The following RBFOX1 variants were observed in gnomAD, a reference collection of about 807,000 sequenced individuals.
RBFOX1 encodes the protein RNA binding protein fox-1 homolog 1.
Under a neutral mutation model 57.7 loss-of-function variants are expected in RBFOX1, and 8 were observed. That is an observed-to-expected ratio of 0.14 (90% CI 0.08 to 0.25). The LOEUF is 0.25. RBFOX1 is among the 10% of genes least tolerant of loss of function. The pLI, the probability that RBFOX1 is intolerant of heterozygous loss-of-function variation, is 1.00. For missense variants in RBFOX1, 611 were observed against 548.5 expected, an observed-to-expected ratio of 1.11 and a Z score of -1.14; for synonymous variants, 326 against 222.4, an observed-to-expected ratio of 1.47 and a Z score of -4.15.
At chr16:6,812,532 C>A (rs2088964186) in intron 3 of RBFOX1, among the ~76,000 whole-genome samples, 1 of 151,984 alleles carries the variant, frequency 6.6e-6, no homozygotes, top group African/African-American at 2.4e-5. Context: ...TGACACCACG[C>A]CCAGCTAATT....
chr16:7,054,466 C>T (rs927361840), intron 4 of RBFOX1, among the ~76,000 whole-genome samples: 1 of 148,948 alleles, frequency 6.7e-6, no homozygotes, highest in Non-Finnish European at 1.5e-5. Context: ...TGGTCTCGAT[C>T]TCCTGACCTC....
chr16:6,177,921 G>GT (rs2097026320), intron 1 of RBFOX1, among the ~76,000 whole-genome samples: 1 of 51,338 alleles, frequency 1.9e-5, no homozygotes, highest in East Asian at 3.3e-4. Flanking sequence ...TTCAGTGGGG[G>GT]TAAAAAAAAA....
intron 3 of RBFOX1, among the ~76,000 whole-genome samples, chr16:5,822,056 G>A (rs894486150): frequency 2.0e-5 from 3 of 152,188 alleles, no homozygotes; most frequent in African/African-American, 7.2e-5. Context: ...AAAAGAAGTT[G>A]TTTATAAATT....
At chr16:7,545,811 T>C (rs2084307130) in intron 5 of RBFOX1, among the ~76,000 whole-genome samples, 1 of 152,174 alleles carries the variant, frequency 6.6e-6, no homozygotes, top group African/African-American at 2.4e-5. Flanking sequence ...ATTCTGACAC[T>C]GAATAACCAT....
At chr16:6,855,848 T>TCCCTCCCTGTTG (rs1450747236) in intron 3 of RBFOX1, among the ~76,000 whole-genome samples, 1 of 149,698 alleles carries the variant, frequency 6.7e-6, no homozygotes, top group African/African-American at 2.5e-5. Flanking sequence ...CCTCCCTCTT[T>TCCCTCCCTGTTG]CCCTCCCTTC....
At chr16:6,401,285 A>G (rs2093057263) in intron 2 of RBFOX1, among the ~76,000 whole-genome samples, 1 of 152,200 alleles carries the variant, frequency 6.6e-6, no homozygotes, top group South Asian at 2.1e-4. Flanking sequence ...AAATAATAGC[A>G]AGAGATTGGA....
chr16:6,942,414 C>G (rs868605688), intron 3 of RBFOX1, among the ~76,000 whole-genome samples: 20 of 152,288 alleles, frequency 1.3e-4, no homozygotes, highest in Middle Eastern at 3.4e-3. Flanking sequence ...CTCCGTCAGC[C>G]TCCCAAAATG....
chr16:7,350,363 T>C (rs1159673817), intron 4 of RBFOX1, among the ~76,000 whole-genome samples: 1 of 152,242 alleles, frequency 6.6e-6, no homozygotes, highest in East Asian at 1.9e-4. Context: ...TCAGTATGGC[T>C]GTGACACAGT....
At chr16:6,023,341 T>C (rs1360631084) in intron 1 of RBFOX1, among the ~76,000 whole-genome samples, 1 of 152,144 alleles carries the variant, frequency 6.6e-6, no homozygotes. Flanking sequence ...CTCATGTCTC[T>C]GATGATTTTA....
At chr16:6,984,618 A>T (rs1394118153) in intron 3 of RBFOX1, among the ~76,000 whole-genome samples, 2 of 152,062 alleles carry the variant, frequency 1.3e-5, no homozygotes, top group Admixed American at 1.3e-4. Context: ...CTGCCCAGTG[A>T]GTTTACCACA....
chr16:7,079,745 G>C (rs902515865), intron 4 of RBFOX1, among the ~76,000 whole-genome samples: 3 of 152,012 alleles, frequency 2.0e-5, no homozygotes, highest in African/African-American at 7.3e-5. Flanking sequence ...CTTGATCTAG[G>C]TGGTGGTTAC....
chr16:7,228,678 C>G (rs560764118), intron 4 of RBFOX1, among the ~76,000 whole-genome samples: 7 of 152,162 alleles, frequency 4.6e-5, no homozygotes, highest in African/African-American at 2.4e-5. Context: ...CTGTGCCTCT[C>G]GCTTTATTCA....
At chr16:7,691,937 C>T (rs1272653165) in intron 14 of RBFOX1, among the ~76,000 whole-genome samples, 2 of 152,108 alleles carry the variant, frequency 1.3e-5, no homozygotes, top group African/African-American at 4.8e-5. Flanking sequence ...ATTCTAAGTG[C>T]CTGTTTTGTG....
At chr16:6,127,432 C>T (rs967311678) in intron 1 of RBFOX1, among the ~76,000 whole-genome samples, 1 of 152,008 alleles carries the variant, frequency 6.6e-6, no homozygotes, top group Non-Finnish European at 1.5e-5. Context: ...CATTATATGC[C>T]AAGCCCTGAC....
At chr16:6,305,738 T>C (rs1018964122) in intron 1 of RBFOX1, among the ~76,000 whole-genome samples, 12 of 151,896 alleles carry the variant, frequency 7.9e-5, no homozygotes, top group Non-Finnish European at 1.6e-4. Context: ...CATTGGATAA[T>C]TGTGGCCAGA....
chr16:7,500,759 C>G (rs375616166), intron 4 of RBFOX1, among the ~76,000 whole-genome samples: 145 of 152,272 alleles, frequency 9.5e-4, no homozygotes, highest in African/African-American at 3.1e-3. Flanking sequence ...TCCCAATAAC[C>G]TTTACAACCT....
At chr16:7,545,332 C>T (rs569011789) in intron 5 of RBFOX1, among the ~76,000 whole-genome samples, 3 of 151,940 alleles carry the variant, frequency 2.0e-5, no homozygotes, top group East Asian at 1.9e-4. Flanking sequence ...GTGGAGGTGG[C>T]GGCATTGTTT....
chr16:6,018,516 G>C (rs976833345), upstream of RBFOX1, among the ~76,000 whole-genome samples: 16 of 152,286 alleles, frequency 1.1e-4, no homozygotes, highest in African/African-American at 3.8e-4. Context: ...GCGGGAGTAG[G>C]TGGCCAGGAA....
chr16:5,546,430 C>G (rs576769394), intron 2 of RBFOX1, among the ~76,000 whole-genome samples: 67 of 152,218 alleles, frequency 4.4e-4, no homozygotes, highest in African/African-American at 1.5e-3. Context: ...TATTACAAAG[C>G]TATTGTAATC....
Sources: gnomAD v4.1 joint callset for allele counts (sites outside exome capture counted in the v4.1 genomes callset) on GRCh38, gnomAD v4.1.1 for gene constraint, MANE v1.5 for transcripts, NCBI Gene and HGNC (gene_info 2026-07-23, HGNC 2026-07-21) for gene names.